The following EPB41L3 variants were observed in gnomAD, a reference collection of about 807,000 sequenced individuals.
EPB41L3 encodes band 4.1-like protein 3.
Under a neutral mutation model 127.1 loss-of-function variants are expected in EPB41L3, and 57 were observed. The observed-to-expected ratio is 0.45, with a 90% CI of 0.36 to 0.56. The LOEUF (loss-of-function observed/expected upper bound fraction) is 0.56, where lower values mean the gene tolerates loss of function less well. Among genes scored for constraint, EPB41L3 ranks in the 20% least tolerant of loss-of-function variants. The pLI, the probability that EPB41L3 is intolerant of heterozygous loss-of-function variation, is 0.00. For synonymous variants in EPB41L3, 572 were observed against 549.5 expected, an observed-to-expected ratio of 1.04 and a Z score of -0.57; for missense variants, 1,273 against 1,372.2, an observed-to-expected ratio of 0.93 and a Z score of 1.14.
intron 1 of EPB41L3, among the ~76,000 whole-genome samples, chr18:5,542,763 T>G (rs188410188): frequency 6.6e-6 from 1 of 152,112 alleles, no homozygotes; most frequent in Admixed American, 6.5e-5. Context: ...AAAAGAAAAT[T>G]GAAAAGAATA....
At chr18:5,496,243 T>A (rs1217808483) in intron 1 of EPB41L3, among the ~76,000 whole-genome samples, 2 of 152,232 alleles carry the variant, frequency 1.3e-5, no homozygotes, top group Non-Finnish European at 2.9e-5. Context: ...AGAGATATGG[T>A]GACTATGGAA....
chr18:5,546,879 T>C (rs1482754928), upstream of EPB41L3, among the ~76,000 whole-genome samples: 7 of 152,192 alleles, frequency 4.6e-5, no homozygotes, highest in Non-Finnish European at 2.9e-5. Context: ...ACTGGGCACA[T>C]TGCAAGCCAA....
At chr18:5,394,502 G>T in intron 22 of EPB41L3, 175 bp downstream of exon 22, 1 of 554,768 alleles carries the variant, frequency 1.8e-6, no homozygotes, top group Non-Finnish European at 3.2e-6. Context: ...CACAAGAATG[G>T]AAGCTCCAAA....
At chr18:5,514,313 T>C (rs2092665941) in intron 1 of EPB41L3, among the ~76,000 whole-genome samples, 1 of 152,230 alleles carries the variant, frequency 6.6e-6, no homozygotes, top group Non-Finnish European at 1.5e-5. Flanking sequence ...TATGTTTTTA[T>C]ATGTGATGCC....
chr18:5,467,515 T>G (rs1476526180), intron 3 of EPB41L3: 2 of 152,172 alleles, frequency 1.3e-5, no homozygotes, highest in East Asian at 1.9e-4. Context: ...GCAGATGCAC[T>G]TCAAGATTTC....
intron 2 of EPB41L3, among the ~76,000 whole-genome samples, chr18:5,612,691 T>C (rs1310651910): frequency 2.6e-5 from 4 of 152,250 alleles, no homozygotes; most frequent in African/African-American, 7.2e-5. Context: ...TATTGGTGCA[T>C]AAATGAGTTA....
intron 3 of EPB41L3, among the ~76,000 whole-genome samples, chr18:5,566,621 C>G (rs1359189272): frequency 5.3e-5 from 8 of 152,078 alleles, no homozygotes; most frequent in Non-Finnish European, 2.9e-5. Flanking sequence ...CTTTAAAGTT[C>G]ATATGGAACC....
At chr18:5,612,580 A>T (rs1173431551) in intron 2 of EPB41L3, among the ~76,000 whole-genome samples, 1 of 152,226 alleles carries the variant, frequency 6.6e-6, no homozygotes, top group Non-Finnish European at 1.5e-5. Flanking sequence ...AGATATGCAG[A>T]CTGTATTTGT....
At chr18:5,592,501 G>A (rs941261224) in intron 3 of EPB41L3, among the ~76,000 whole-genome samples, 4 of 152,336 alleles carry the variant, frequency 2.6e-5, no homozygotes, top group Admixed American at 6.5e-5. Flanking sequence ...GGCAGGAATA[G>A]ACCATACACC....
chr18:5,422,831 G>A (rs1037300417), intron 11 of EPB41L3, among the ~76,000 whole-genome samples: 1 of 152,186 alleles, frequency 6.6e-6, no homozygotes, highest in Non-Finnish European at 1.5e-5. Flanking sequence ...TGTTCTCCCA[G>A]TCCATCTGGG....
chr18:5,473,739 CAAT>C (rs1445768239), intron 3 of EPB41L3, among the ~76,000 whole-genome samples: 3 of 152,076 alleles, frequency 2.0e-5, no homozygotes, highest in African/African-American at 4.8e-5. Context: ...GCATCAACAA[CAAT>C]AACAAACTGG....
At chr18:5,548,605 A>G (rs933604197), upstream of EPB41L3, among the ~76,000 whole-genome samples, 14 of 152,186 alleles carry the variant, frequency 9.2e-5, no homozygotes, top group Non-Finnish European at 1.5e-4. Flanking sequence ...ATTAAAACAT[A>G]TCCTTATTGA....
intron 3 of EPB41L3, among the ~76,000 whole-genome samples, chr18:5,474,864 A>G (rs573918302): frequency 6.6e-6 from 1 of 152,310 alleles, no homozygotes; most frequent in Non-Finnish European, 1.5e-5. Context: ...AGTGGCTTCC[A>G]TAATTGCACC....
At position 5,433,913 on chromosome 18, in the gene EPB41L3, T is replaced by C. The variant is rs1353628903; in HGVS notation, c.814A>G (p.Lys272Glu). Residue 272 changes from lysine (K) to glutamate (E), a missense_variant, in exon 7 of 23, where the codon AAG (lysine) becomes GAG (glutamate). Around this residue, in one of 3 missense-constraint regions of EPB41L3, gnomAD observed 326 missense variants for 440.2 expected, o/e 0.74. Coordinates refer to ENST00000341928, the MANE Select transcript of EPB41L3 (RefSeq NM_012307.5). ...CTTTCTGCCTCTAACCTGTGGCTCT[T>C]GTGCAGCTCGATCACTTTGTCTTCC... is the stretch of plus-strand genomic sequence containing the variant. ...ELEDKVIELH[K>E]SHRGMTPAEA... is the part of the protein sequence containing the mutation. The C allele has an allele frequency of 6.2e-7, 1 of 1,614,234 alleles. No homozygotes were observed. The highest frequency in any genetic ancestry group is 8.5e-7 in the Non-Finnish European group (1 of 1,180,050).
At chr18:5,629,796 C>G (rs530962035), upstream of EPB41L3, among the ~76,000 whole-genome samples, 798 of 152,282 alleles carry the variant, frequency 5.2e-3, 5 homozygotes, top group African/African-American at 0.019. Context: ...GCTGCCGGGA[C>G]CGGGGAGCCA....
At chr18:5,420,681 A>C (rs1455627783) in intron 11 of EPB41L3, among the ~76,000 whole-genome samples, 1 of 152,214 alleles carries the variant, frequency 6.6e-6, no homozygotes, top group Non-Finnish European at 1.5e-5. Context: ...ATCCCAGCTA[A>C]AACGTCTTAG....
At chr18:5,474,073 T>C (rs2147744438) in intron 3 of EPB41L3, among the ~76,000 whole-genome samples, 1 of 151,624 alleles carries the variant, frequency 6.6e-6, no homozygotes, top group East Asian at 2.0e-4. Flanking sequence ...CTACTAAAAA[T>C]ACAAAAAATT....
At chr18:5,517,946 C>T (rs933046065) in intron 1 of EPB41L3, among the ~76,000 whole-genome samples, 1 of 152,146 alleles carries the variant, frequency 6.6e-6, no homozygotes, top group Non-Finnish European at 1.5e-5. Context: ...CTCTTCTATA[C>T]CTATGCTCAG....
At position 5,419,844 on chromosome 18, in the gene EPB41L3, C is replaced by CCAA; in HGVS notation, c.1372_1373insTTG (p.Lys457_Gly458insVal). On this transcript the variant is annotated inframe_insertion, in exon 12 of 23. Transcript: ENST00000341928. ...GGTGATCAAGTTGGTCTGAGAGATGCCTTTTGTTGTGGCGTACTGGCCAGT... is the reference window on the plus strand; with the variant it reads ...GGTGATCAAGTTGGTCTGAGAGATGCCAACTTTTGTTGTGGCGTACTGGCCAGT... 1 of 1,614,202 alleles carries CCAA rather than the reference C, an allele frequency of 6.2e-7. No individual in the cohort carries two copies. The highest frequency in any genetic ancestry group is 8.5e-7 in the Non-Finnish European group (1 of 1,180,046).
Sources: gnomAD v4.1 joint callset for allele counts (sites outside exome capture counted in the v4.1 genomes callset) on GRCh38, gnomAD v4.1.1 for gene constraint, gnomAD v4.1.1 regional missense constraint, MANE v1.5 for transcripts, NCBI Gene and HGNC (gene_info 2026-07-23, HGNC 2026-07-21) for gene names.